CPNE3: variants seen among roughly 807,000 people sequenced by gnomAD.
CPNE3 encodes copine 3, also known as copine-3.
A neutral mutation model predicts 63.9 loss-of-function variants in CPNE3; 68 were observed. The ratio of observed to expected loss-of-function variants is 1.06; its 90% CI spans 0.87 to 1.30. The LOEUF is 1.30. Among genes scored for constraint, CPNE3 ranks in the 50% most tolerant of loss-of-function variants. The probability of loss-of-function intolerance (pLI) is 0.00; values close to 1 mark genes in which losing one functional copy is unlikely to be tolerated. For synonymous variants in CPNE3, 219 were observed against 197.5 expected (o/e 1.11, Z -0.91); for missense variants, 665 against 578.1 (o/e 1.15, Z -1.54).
chr8:86,548,130 T>A (rs539546301), intron 11 of CPNE3, among the ~76,000 whole-genome samples, 171 bp from the exon 12 acceptor site: 2 of 152,326 alleles, frequency 1.3e-5, no homozygotes, highest in African/African-American at 4.8e-5. Context: ...ATCAGGTTGT[T>A]TCACATTTAG....
At chr8:86,520,215 A>G (rs1023503882) in intron 2 of CPNE3, among the ~76,000 whole-genome samples, 1 of 152,212 alleles carries the variant, frequency 6.6e-6, no homozygotes, top group Non-Finnish European at 1.5e-5. Flanking sequence ...GACCTTAAGA[A>G]TTACTTAAAG....
intron 6 of CPNE3, among the ~76,000 whole-genome samples, chr8:86,533,843 A>C (rs1002910641): frequency 6.6e-6 from 1 of 151,782 alleles, no homozygotes; most frequent in Admixed American, 6.6e-5. Flanking sequence ...TAAATCTGTA[A>C]ATTTCTTCCT....
intron 4 of CPNE3, among the ~76,000 whole-genome samples, chr8:86,530,000 A>G (rs866368853): frequency 5.9e-4 from 90 of 152,082 alleles, no homozygotes; most frequent in African/African-American, 2.0e-3. Context: ...TTTTTTGGGG[A>G]AAAAAATCCC....
intron 2 of CPNE3, among the ~76,000 whole-genome samples, chr8:86,517,607 T>G (rs1047987695): frequency 2.6e-5 from 4 of 152,220 alleles, no homozygotes; most frequent in African/African-American, 9.6e-5. Context: ...CTGATGGTAT[T>G]GTCAAAACAA....
chr8:86,547,750 G>A lies in CPNE3; in HGVS notation c.859G>A (p.Gly287Arg). ...CACATTCCTTGACTATATAATGGGA[G>A]GATGTCAGCTGAATTTTACTGTAAG... The part of the protein sequence containing the change: ...ECTFLDYIMG[G>R]CQLNFTVGVD... Residue 287 changes from glycine (G) to arginine (R), a missense_variant, in exon 11 of 17, where the codon GGA becomes AGA. Gly to Arg is a moderately radical substitution (Grantham distance 125). Coordinates refer to ENST00000517490, the MANE Select transcript of CPNE3 (RefSeq NM_003909.5). 2 of 1,378,536 alleles carry A rather than the reference G, an allele frequency of 1.5e-6. No individual in the cohort carries two copies. Among genetic ancestry groups the A allele is most frequent in the East Asian group, 2.3e-5 (1 of 43,784 alleles). 85.4% of individuals were successfully genotyped at this position (1,378,536 alleles called of 1,614,324 possible).
At chr8:86,548,488 G>A (rs941151888) in intron 12 of CPNE3, 54 bp downstream of exon 12, 2 of 1,608,700 alleles carry the variant, frequency 1.2e-6, no homozygotes, top group South Asian at 1.1e-5. Flanking sequence ...TCCCCAGAAA[G>A]GGTAGTTTGT....
chr8:86,548,490 G>T, intron 12 of CPNE3, 56 bp downstream of exon 12: 2 of 1,607,826 alleles, frequency 1.2e-6, no homozygotes, highest in South Asian at 2.2e-5. Context: ...CCCAGAAAGG[G>T]TAGTTTGTTT....
At chr8:86,548,530 G>A in intron 12 of CPNE3, 96 bp downstream of exon 12, 2 of 1,443,318 alleles carry the variant, frequency 1.4e-6, no homozygotes, top group Non-Finnish European at 1.9e-6. Context: ...ATAGGTGGTA[G>A]GTTGATGATG....
intron 11 of CPNE3, 23 bp downstream of exon 11, chr8:86,547,793 C>G (rs755482517): frequency 1.5e-5 from 16 of 1,093,646 alleles, no homozygotes; most frequent in Non-Finnish European, 2.2e-5. Flanking sequence ...CTGAATTTTT[C>G]AGCATAGGCT....
intron 2 of CPNE3, among the ~76,000 whole-genome samples, chr8:86,519,545 T>G (rs1045612147): frequency 6.6e-6 from 1 of 152,162 alleles, no homozygotes; most frequent in African/African-American, 2.4e-5. Context: ...TAATGTGAGA[T>G]TTCATGGATG....
intron 7 of CPNE3, among the ~76,000 whole-genome samples, chr8:86,539,739 G>A (rs150199300): frequency 0.015 from 2,057 of 136,354 alleles, 24 homozygotes; most frequent in Non-Finnish European, 0.023. Context: ...CTCCACTCAC[G>A]GCAACCTCCA....
At chr8:86,548,861 T>C (rs1821112172) in intron 12 of CPNE3, among the ~76,000 whole-genome samples, 1 of 151,724 alleles carries the variant, frequency 6.6e-6, no homozygotes, top group Non-Finnish European at 1.5e-5. Flanking sequence ...TTATAAATAC[T>C]AAATACTATT....
At chr8:86,532,661 G>T in intron 6 of CPNE3, 81 bp downstream of exon 6, 4 of 1,200,328 alleles carry the variant, frequency 3.3e-6, no homozygotes, top group Non-Finnish European at 4.9e-6. Context: ...TTAATATCAT[G>T]AACTCCATCA....
chr8:86,547,633 A>T, intron 10 of CPNE3, 78 bp from the exon 11 acceptor site: 1 of 730,184 alleles, frequency 1.4e-6, no homozygotes, highest in Non-Finnish European at 2.4e-6. Flanking sequence ...ACAGACTTTT[A>T]AAAATATATG....
intron 6 of CPNE3, among the ~76,000 whole-genome samples, chr8:86,533,590 CT>C (rs557344356): frequency 0.013 from 1,949 of 144,784 alleles, 43 homozygotes; most frequent in African/African-American, 0.043. Context: ...AGGCTGGGGA[CT>C]TTTTTTTTTT....
chr8:86,522,674 C>A (rs1388499008), intron 2 of CPNE3, among the ~76,000 whole-genome samples: 1 of 151,036 alleles, frequency 6.6e-6, no homozygotes, highest in East Asian at 1.9e-4. Context: ...TCCAGCTGCC[C>A]CAGGGTTGCC....
At chr8:86,545,827 T>C (rs961043069) in intron 9 of CPNE3, among the ~76,000 whole-genome samples, 5 of 152,188 alleles carry the variant, frequency 3.3e-5, no homozygotes, top group African/African-American at 1.2e-4. Context: ...TTGGAGGTGA[T>C]TATAATGTCA....
chr8:86,516,555 A>G (rs1820315703), intron 2 of CPNE3, among the ~76,000 whole-genome samples: 2 of 151,916 alleles, frequency 1.3e-5, no homozygotes, highest in African/African-American at 4.8e-5. Flanking sequence ...TTATTTACTT[A>G]TTTATTTATT....
intron 2 of CPNE3, among the ~76,000 whole-genome samples, chr8:86,522,362 T>A (rs979471317): frequency 1.7e-4 from 26 of 152,142 alleles, no homozygotes; most frequent in African/African-American, 6.3e-4. Context: ...GTTTTATGAA[T>A]GGGTCTCCCC....
Sources: gnomAD v4.1 joint callset for allele counts (sites outside exome capture counted in the v4.1 genomes callset) on GRCh38, gnomAD v4.1.1 for gene constraint, MANE v1.5 for transcripts, NCBI Gene and HGNC (gene_info 2026-07-23, HGNC 2026-07-21) for gene names.